The following CNTN5 variants were observed in gnomAD, a reference collection of about 807,000 sequenced individuals.
CNTN5 encodes contactin 5.
A neutral mutation model predicts 129.1 loss-of-function variants in CNTN5; 77 were observed. That is an observed-to-expected ratio of 0.60 (90% CI 0.50 to 0.72). The LOEUF is 0.72. Ranked by LOEUF, CNTN5 falls within the 30% of genes least tolerant of loss-of-function variation. CNTN5 has a pLI of 0.00. For missense variants in CNTN5, 1,478 were observed against 1,328.8 expected (o/e 1.11, Z -1.75); for synonymous variants, 509 against 465.6 (o/e 1.09, Z -1.20).
At chr11:99,149,822 G>A (rs1859962038) in intron 1 of CNTN5, among the ~76,000 whole-genome samples, 1 of 151,982 alleles carries the variant, frequency 6.6e-6, no homozygotes, top group African/African-American at 2.4e-5. Flanking sequence ...GAGAAAGTGA[G>A]GTTGTCTTTT....
At chr11:99,903,654 A>G (rs2135958963) in intron 6 of CNTN5, among the ~76,000 whole-genome samples, 1 of 152,270 alleles carries the variant, frequency 6.6e-6, no homozygotes, top group East Asian at 1.9e-4. Flanking sequence ...AATTTCTAGT[A>G]GATAATAACT....
chr11:100,270,683 T>G (rs1351875147), intron 17 of CNTN5, among the ~76,000 whole-genome samples: 1 of 152,216 alleles, frequency 6.6e-6, no homozygotes, highest in Non-Finnish European at 1.5e-5. Flanking sequence ...ATTTGCTGCT[T>G]GGAATTACCA....
chr11:99,867,925 A>C (rs554105891), intron 6 of CNTN5, among the ~76,000 whole-genome samples: 1 of 152,254 alleles, frequency 6.6e-6, no homozygotes, highest in East Asian at 1.9e-4. Context: ...AGTGTTCTAC[A>C]TAAAACTGGC....
chr11:99,293,799 C>A (rs890177891), intron 1 of CNTN5, among the ~76,000 whole-genome samples: 5 of 151,784 alleles, frequency 3.3e-5, no homozygotes, highest in African/African-American at 1.2e-4. Context: ...TTATTTGGGT[C>A]TTCTTCCTTT....
At chr11:99,051,075 A>G (rs1020606077) in intron 1 of CNTN5, among the ~76,000 whole-genome samples, 1 of 151,922 alleles carries the variant, frequency 6.6e-6, no homozygotes, top group Non-Finnish European at 1.5e-5. Context: ...TGGCCAAATT[A>G]CTTATAGGAA....
intron 7 of CNTN5, among the ~76,000 whole-genome samples, chr11:99,944,877 AAAT>A (rs1206656093): frequency 2.0e-5 from 3 of 152,152 alleles, no homozygotes; most frequent in African/African-American, 7.2e-5. Context: ...AAATAAATGG[AAAT>A]AATGTGACTC....
At chr11:99,829,915 C>T (rs779531171) in intron 4 of CNTN5, among the ~76,000 whole-genome samples, 2 of 152,122 alleles carry the variant, frequency 1.3e-5, no homozygotes, top group East Asian at 3.8e-4. Flanking sequence ...TGACACTATA[C>T]CTGTTCCTCC....
At chr11:100,279,073 G>T (rs1346014668) in intron 18 of CNTN5, among the ~76,000 whole-genome samples, 3 of 151,844 alleles carry the variant, frequency 2.0e-5, no homozygotes, top group African/African-American at 7.2e-5. Context: ...TAGGTGTTTT[G>T]TCCTTCATTC....
intron 4 of CNTN5, among the ~76,000 whole-genome samples, chr11:99,840,812 A>C (rs1947463198): frequency 1.3e-5 from 2 of 152,156 alleles, no homozygotes; most frequent in South Asian, 4.1e-4. Context: ...ATCTCCAACA[A>C]GTTATAGATT....
intron 18 of CNTN5, among the ~76,000 whole-genome samples, chr11:100,289,011 G>A (rs1253424453): frequency 1.3e-5 from 2 of 152,202 alleles, no homozygotes; most frequent in Non-Finnish European, 2.9e-5. Context: ...AAATCTAGAA[G>A]AAATGGATAA....
At chr11:99,389,030 A>G (rs1199714357) in intron 2 of CNTN5, among the ~76,000 whole-genome samples, 1 of 148,076 alleles carries the variant, frequency 6.8e-6, no homozygotes, top group African/African-American at 2.5e-5. Flanking sequence ...ATTTTATTTT[A>G]TTTTATTTTA....
At chr11:100,127,660 T>C (rs985244142) in intron 13 of CNTN5, among the ~76,000 whole-genome samples, 3 of 133,232 alleles carry the variant, frequency 2.3e-5, no homozygotes, top group South Asian at 2.5e-4. Flanking sequence ...TCTTTTTTTT[T>C]TTTTTTTTTT....
intron 3 of CNTN5, among the ~76,000 whole-genome samples, chr11:99,620,614 C>T (rs549099907): frequency 1.2e-4 from 18 of 150,400 alleles, no homozygotes; most frequent in South Asian, 8.4e-4. Context: ...AGGCTGATGG[C>T]CAAGCAGTTA....
intron 3 of CNTN5, among the ~76,000 whole-genome samples, chr11:99,800,172 C>T (rs77752835): frequency 6.6e-6 from 1 of 151,902 alleles, no homozygotes; most frequent in East Asian, 1.9e-4. Context: ...TCAGTGTTTT[C>T]ATTTATTTCA....
intron 13 of CNTN5, among the ~76,000 whole-genome samples, chr11:100,135,174 G>GT (rs1491516146): frequency 1.1e-4 from 14 of 128,012 alleles, no homozygotes; most frequent in African/African-American, 3.9e-4. Context: ...GGATATAAAA[G>GT]TGTTTTTTTT....
At chr11:99,513,093 A>G (rs1946901571) in intron 2 of CNTN5, among the ~76,000 whole-genome samples, 1 of 152,168 alleles carries the variant, frequency 6.6e-6, no homozygotes, top group South Asian at 2.1e-4. Flanking sequence ...ATGAATGATA[A>G]AAGAGAAAAA....
At chr11:99,228,551 G>A (rs555424655) in intron 1 of CNTN5, among the ~76,000 whole-genome samples, 4 of 152,004 alleles carry the variant, frequency 2.6e-5, no homozygotes, top group South Asian at 2.1e-4. Context: ...ACCTTGAATC[G>A]ATCATTACAC....
intron 1 of CNTN5, among the ~76,000 whole-genome samples, chr11:99,107,938 T>TAAAAAAAA (rs55786739): frequency 4.8e-5 from 5 of 103,514 alleles, no homozygotes; most frequent in Admixed American, 1.0e-4. Context: ...CTCAAAAAAG[T>TAAAAAAAA]AAAAAAAAAA....
chr11:100,335,300 T>A (rs539120420), intron 21 of CNTN5, among the ~76,000 whole-genome samples: 1 of 152,358 alleles, frequency 6.6e-6, no homozygotes, highest in African/African-American at 2.4e-5. Context: ...AATCAACAGC[T>A]GCATATGGCA....
Sources: allele counts gnomAD v4.1 joint callset (sites outside exome capture counted in the v4.1 genomes callset), GRCh38; gene constraint gnomAD v4.1.1; transcripts MANE v1.5; gene names NCBI Gene and HGNC (gene_info 2026-07-23, HGNC 2026-07-21).